DHRS7B: variants seen among roughly 807,000 people sequenced by gnomAD.
DHRS7B encodes dehydrogenase/reductase 7B.
A neutral mutation model predicts 26.4 loss-of-function variants in DHRS7B; 24 were observed. The ratio of observed to expected loss-of-function variants is 0.91; its 90% CI spans 0.66 to 1.28. The LOEUF (loss-of-function observed/expected upper bound fraction) is 1.28, where lower values mean the gene tolerates loss of function less well. Among genes scored for constraint, DHRS7B ranks in the 50% most tolerant of loss-of-function variants. DHRS7B has a pLI of 0.00. For missense variants in DHRS7B, 368 were observed against 419.4 expected, an observed-to-expected ratio of 0.88 and a Z score of 1.07; for synonymous variants, 142 against 166.4, an observed-to-expected ratio of 0.85 and a Z score of 1.13.
chr17:21,145,611 C>T (rs1404726836), intron 1 of DHRS7B, among the ~76,000 whole-genome samples: 1 of 152,210 alleles, frequency 6.6e-6, no homozygotes, highest in Non-Finnish European at 1.5e-5. Flanking sequence ...GATGGTTCTA[C>T]TCAACCATTT....
chr17:21,143,520 TACA>T (rs1483196184), intron 1 of DHRS7B, among the ~76,000 whole-genome samples: 5 of 152,244 alleles, frequency 3.3e-5, no homozygotes, highest in African/African-American at 1.2e-4. Flanking sequence ...TAGTGTTTTC[TACA>T]ACATTTTCAA....
chr17:21,172,181 T>C lies in DHRS7B; in HGVS notation c.184T>C (p.Ser62Pro). ...NAVVVITGAT[S>P]GLGKECAKVF... is the part of the protein sequence containing the mutation. ...TGTGGTGGTGATCACAGGCGCCACC[T>C]CAGGGCTGGGCAAAGGTGGGTCCTG... Residue 62 changes from serine to proline, a missense_variant, in exon 2 of 7, where the codon TCA becomes CCA. Transcript: ENST00000395511. The C allele has an allele frequency of 6.2e-7, 1 of 1,612,638 alleles. No homozygotes were observed. The highest frequency in any genetic ancestry group is 1.3e-5 in the African/African-American group (1 of 75,036).
At chr17:21,170,254 A>G (rs1555538904) in intron 1 of DHRS7B, among the ~76,000 whole-genome samples, 1 of 152,094 alleles carries the variant, frequency 6.6e-6, no homozygotes, top group Non-Finnish European at 1.5e-5. Flanking sequence ...TCCAGGCAGC[A>G]CCCACAGAAC....
chr17:21,159,542 A>G (rs1973954890), intron 1 of DHRS7B, among the ~76,000 whole-genome samples: 1 of 151,852 alleles, frequency 6.6e-6, no homozygotes, highest in South Asian at 2.1e-4. Flanking sequence ...GGCGTGAGCC[A>G]CCGCACCCGG....
chr17:21,143,785 T>C (rs1314212952), intron 1 of DHRS7B, among the ~76,000 whole-genome samples: 1 of 152,246 alleles, frequency 6.6e-6, no homozygotes, highest in African/African-American at 2.4e-5. Context: ...CTGCTGACTC[T>C]TCGGGGTAGC....
chr17:21,139,843 T>G (rs1344209036), intron 1 of DHRS7B, among the ~76,000 whole-genome samples: 1 of 151,924 alleles, frequency 6.6e-6, no homozygotes, highest in Non-Finnish European at 1.5e-5. Flanking sequence ...ATTTGAGTAG[T>G]CTTTTTTAGT....
Position 21,138,067 on chromosome 17 carries a change from A to T in DHRS7B, c.20+11076A>T, listed in dbSNP as rs79756700. On this transcript the variant is annotated intron_variant, in intron 1 of 6. Transcript: ENST00000395511. ...GGATTACAGGTGCCCGGCCTCTTTTAAAAAAAAAATATATATATATATATA... is the reference window on the plus strand; with the variant it reads ...GGATTACAGGTGCCCGGCCTCTTTTTAAAAAAAAATATATATATATATATA... Among the ~76,000 whole-genome samples, 159 of 32,208 alleles carry T rather than the reference A, an allele frequency of 4.9e-3. 17 individuals are homozygous for T. The highest frequency in any genetic ancestry group is 9.8e-3 in the East Asian group (9 of 916). 21.1% of individuals were successfully genotyped at this position (32,208 alleles called of 152,430 possible). A position where few individuals can be genotyped will look rare whatever the true frequency, so the allele number is the denominator to read the frequency against.
At chr17:21,156,027 A>G (rs1040812506) in intron 1 of DHRS7B, among the ~76,000 whole-genome samples, 3 of 152,188 alleles carry the variant, frequency 2.0e-5, no homozygotes, top group Non-Finnish European at 4.4e-5. Flanking sequence ...TCTAAAATCA[A>G]CAATCTAAGT....
intron 1 of DHRS7B, among the ~76,000 whole-genome samples, chr17:21,138,650 A>G (rs1006297201): frequency 3.9e-5 from 6 of 152,216 alleles, no homozygotes; most frequent in Non-Finnish European, 8.8e-5. Flanking sequence ...ATTTATTTTT[A>G]AAACTTTCTT....
intron 1 of DHRS7B, among the ~76,000 whole-genome samples, chr17:21,140,413 A>G (rs1020487679): frequency 2.0e-5 from 3 of 150,412 alleles, no homozygotes; most frequent in African/African-American, 7.3e-5. Context: ...GTCAAATAGC[A>G]AAGTTTACAT....
chr17:21,158,042 A>T (rs186115374), intron 1 of DHRS7B, among the ~76,000 whole-genome samples: 1 of 152,290 alleles, frequency 6.6e-6, no homozygotes, highest in Non-Finnish European at 1.5e-5. Context: ...ATTTGACAAT[A>T]TCTATCTCTG....
intron 1 of DHRS7B, chr17:21,166,367 C>G (rs1974113379): frequency 3.0e-6 from 3 of 985,440 alleles, no homozygotes; most frequent in Non-Finnish European, 3.6e-6. Context: ...TTCAGGCATT[C>G]CAGGGAGGGC....
intron 5 of DHRS7B, among the ~76,000 whole-genome samples, chr17:21,185,914 C>G (rs1163323022): frequency 6.6e-6 from 1 of 152,218 alleles, no homozygotes; most frequent in Non-Finnish European, 1.5e-5. Flanking sequence ...TCTCAAACTC[C>G]TGACCTCAAG....
At position 21,191,321 on chromosome 17, in the gene DHRS7B, GACA is replaced by G. The variant is rs1275549149; in HGVS notation, c.*173_*175del. ...CTGCTGGCAGAGGACAATCAAAAAC[GACA>G]ACAAGCTTCTTCCCAGGGTGAGGGG... On this transcript the variant is annotated 3_prime_UTR_variant, in exon 7 of 7. Transcript: ENST00000395511. 4.4e-6 allele frequency: 3 copies of G among 674,530 alleles called. No individual in the cohort carries two copies. The highest frequency in any genetic ancestry group is 7.4e-6 in the Non-Finnish European group (3 of 403,242). The allele number at this position is 674,530 out of a possible 1,614,324, so 41.8% of individuals were successfully genotyped here.
intron 3 of DHRS7B, 62 bp downstream of exon 3, chr17:21,178,404 G>A: frequency 7.2e-7 from 1 of 1,382,314 alleles, no homozygotes; most frequent in Non-Finnish European, 1.0e-6. Context: ...AGGCACTGAG[G>A]AGATAGTGGC....
intron 1 of DHRS7B, among the ~76,000 whole-genome samples, chr17:21,162,631 C>T (rs1478606996): frequency 6.6e-6 from 1 of 152,090 alleles, no homozygotes; most frequent in Non-Finnish European, 1.5e-5. Flanking sequence ...ATGGAGGCTA[C>T]ACTGAAAAGG....
chr17:21,172,230 G>C, intron 2 of DHRS7B, 34 bp downstream of exon 2: 1 of 1,583,090 alleles, frequency 6.3e-7, no homozygotes. Context: ...CAGGGGGCGG[G>C]GGTAAGTCAG....
At chr17:21,140,538 A>ACACACC (rs972677956) in intron 1 of DHRS7B, among the ~76,000 whole-genome samples, 2,239 of 134,620 alleles carry the variant, frequency 0.017, 67 homozygotes, top group Middle Eastern at 0.04. Context: ...ACACACACAC[A>ACACACC]CCCTGACACC....
At chr17:21,150,455 A>G (rs191717196) in intron 1 of DHRS7B, among the ~76,000 whole-genome samples, 2 of 152,284 alleles carry the variant, frequency 1.3e-5, no homozygotes, top group Admixed American at 6.5e-5. Flanking sequence ...CGTCTCTACT[A>G]CAAATACAAA....
Sources: gnomAD v4.1 joint callset for allele counts (sites outside exome capture counted in the v4.1 genomes callset) on GRCh38, gnomAD v4.1.1 for gene constraint, MANE v1.5 for transcripts, NCBI Gene and HGNC (gene_info 2026-07-23, HGNC 2026-07-21) for gene names.